FAM120B: variants seen among roughly 807,000 people sequenced by gnomAD.
The protein encoded by FAM120B is family with sequence similarity 120 member B, also known as constitutive coactivator of peroxisome proliferator-activated receptor gamma.
In FAM120B, 83 loss-of-function variants were observed where a neutral mutation model predicts 96.3. The observed-to-expected ratio is 0.86, with a 90% CI of 0.72 to 1.03. The LOEUF (loss-of-function observed/expected upper bound fraction) is 1.03, where lower values mean the gene tolerates loss of function less well. Among genes scored for constraint, FAM120B ranks in the 50% least tolerant of loss-of-function variants. The pLI is 0.00. For synonymous variants in FAM120B, 407 were observed against 402.7 expected (o/e 1.01, Z -0.13); for missense variants, 1,027 against 1,121.2 (o/e 0.92, Z 1.20).
At chr6:170,384,768 G>C (rs1790099989) in intron 6 of FAM120B, among the ~76,000 whole-genome samples, 1 of 152,222 alleles carries the variant, frequency 6.6e-6, no homozygotes. Flanking sequence ...GTGTGGGTCT[G>C]TGAGCTAAGA....
At chr6:170,292,134 G>T (rs1180230609), upstream of FAM120B, among the ~76,000 whole-genome samples, 1 of 152,160 alleles carries the variant, frequency 6.6e-6, no homozygotes, top group Non-Finnish European at 1.5e-5. This position sits in a 1 kb window ranked among gnomAD's most constrained non-coding sequence, Gnocchi z 6.6. Flanking sequence ...AATGTCCGGC[G>T]CATGTTCTAA....
Position 170,404,777 on chromosome 6 carries a change from GA to G in FAM120B, c.*31del. On this transcript the variant is annotated 3_prime_UTR_variant, in exon 11 of 11. Coordinates refer to ENST00000476287, the MANE Select transcript of FAM120B (RefSeq NM_032448.3). ...GCTTCCTCCAGAAAGAGTATGGAGA[GA>G]AAAAGAGGCACACCTGGACGCAGAG... 1 of 605,130 alleles carries G rather than the reference GA, an allele frequency of 1.7e-6. No individual in the cohort carries two copies. Among genetic ancestry groups the G allele is most frequent in the Non-Finnish European group, 2.9e-6 (1 of 342,950 alleles). The allele number at this position is 605,130 out of a possible 1,614,324, so 37.5% of individuals were successfully genotyped here.
intron 6 of FAM120B, among the ~76,000 whole-genome samples, chr6:170,365,892 A>G (rs1788759982): frequency 6.6e-6 from 1 of 152,156 alleles, no homozygotes; most frequent in Non-Finnish European, 1.5e-5. Flanking sequence ...TCCGCCTGCC[A>G]TCACCATCGG....
Position 170,393,132 on chromosome 6 carries a change from C to T in FAM120B, c.2599+2011C>T, listed in dbSNP as rs559795435. ...TTTGACACTGGCCTGAGAAACATAG[C>T]GAGACCCTGTCTTTACAAAAAAAAA... is the stretch of plus-strand genomic sequence containing the variant. On this transcript the variant is annotated intron_variant, in intron 8 of 10. Transcript: ENST00000476287. 1.1e-4 allele frequency among the ~76,000 whole-genome samples: 14 copies of T among 122,452 alleles called. No individual in the cohort carries two copies. In the South Asian group the frequency reaches 2.3e-3, roughly 20 times the overall value. 80.3% of individuals were successfully genotyped at this position (122,452 alleles called of 152,430 possible). A position where few individuals can be genotyped will look rare whatever the true frequency, so the allele number is the denominator to read the frequency against.
intron 6 of FAM120B, among the ~76,000 whole-genome samples, chr6:170,376,501 C>T (rs1233279033): frequency 1.4e-5 from 2 of 140,678 alleles, no homozygotes; most frequent in Admixed American, 7.2e-5. Context: ...AGGCGGGCAG[C>T]GGGGCGTTAG....
intron 1 of FAM120B, among the ~76,000 whole-genome samples, chr6:170,315,924 TG>T (rs761413592): frequency 1.2e-4 from 18 of 144,452 alleles, no homozygotes; most frequent in East Asian, 2.0e-4. Context: ...TTGTCTCCAC[TG>T]GAAAAAAAAA....
At chr6:170,327,137 C>T (rs1217228927) in intron 3 of FAM120B, among the ~76,000 whole-genome samples, 1 of 152,062 alleles carries the variant, frequency 6.6e-6, no homozygotes, top group African/African-American at 2.4e-5. Context: ...AGCTCCGCCT[C>T]CCGGGTTCAC....
chr6:170,394,314 G>T (rs1004752810), intron 8 of FAM120B, among the ~76,000 whole-genome samples: 1 of 152,224 alleles, frequency 6.6e-6, no homozygotes, highest in Non-Finnish European at 1.5e-5. Flanking sequence ...TACTGGGGAG[G>T]TTTTGAAGTT....
chr6:170,332,407 G>C (rs900052277), intron 4 of FAM120B, among the ~76,000 whole-genome samples: 18 of 152,148 alleles, frequency 1.2e-4, no homozygotes, highest in African/African-American at 4.3e-4. Context: ...ATTAAAAACA[G>C]ATCAGCTGGG....
chr6:170,328,888 G>A (rs1048903944), intron 3 of FAM120B, among the ~76,000 whole-genome samples: 9 of 152,150 alleles, frequency 5.9e-5, no homozygotes, highest in African/African-American at 2.2e-4. Flanking sequence ...TGCTCCTTCC[G>A]AGACTTGCCT....
chr6:170,400,459 G>T (rs1036935527), intron 9 of FAM120B, among the ~76,000 whole-genome samples: 8 of 152,132 alleles, frequency 5.3e-5, no homozygotes, highest in Non-Finnish European at 1.2e-4. Context: ...TCTTCCAGAG[G>T]CGGCCTGCTG....
intron 5 of FAM120B, among the ~76,000 whole-genome samples, chr6:170,349,339 T>C (rs528230656): frequency 6.6e-6 from 1 of 152,350 alleles, no homozygotes; most frequent in East Asian, 1.9e-4. Context: ...TTACCTGGAA[T>C]AGACAATTAT....
At chr6:170,301,739 T>C (rs1784146232) in intron 1 of FAM120B, among the ~76,000 whole-genome samples, 2 of 152,224 alleles carry the variant, frequency 1.3e-5, no homozygotes, top group Admixed American at 6.5e-5. Context: ...TGCTAAAGCA[T>C]AGCAAGAGTG....
intron 7 of FAM120B, among the ~76,000 whole-genome samples, chr6:170,390,261 A>G (rs1790412330): frequency 6.6e-6 from 1 of 152,238 alleles, no homozygotes. Flanking sequence ...GACTGCAAGT[A>G]TTTAGAACTT....
At chr6:170,348,065 T>C (rs1787312993) in intron 4 of FAM120B, 86 bp from the exon 5 acceptor site, 1 of 1,081,104 alleles carries the variant, frequency 9.2e-7, no homozygotes, top group East Asian at 2.5e-5. Context: ...AAGAGATTTG[T>C]TTCCTTTTAC....
At chr6:170,357,137 G>A (rs1788003967) in intron 5 of FAM120B, among the ~76,000 whole-genome samples, 1 of 152,174 alleles carries the variant, frequency 6.6e-6, no homozygotes, top group African/African-American at 2.4e-5. Context: ...TGGGTCTGCT[G>A]TTGGCTTTCT....
chr6:170,387,693 G>GA (rs1790264771), intron 6 of FAM120B, among the ~76,000 whole-genome samples: 1 of 152,200 alleles, frequency 6.6e-6, no homozygotes, highest in South Asian at 2.1e-4. Context: ...TCAACCTAGT[G>GA]AGATACATAA....
chr6:170,297,228 C>G (rs899359445), intron 1 of FAM120B, among the ~76,000 whole-genome samples: 1 of 152,212 alleles, frequency 6.6e-6, no homozygotes, highest in African/African-American at 2.4e-5. Flanking sequence ...ACGAATGTCC[C>G]CACGGGACCC....
At chr6:170,365,298 T>C (rs545505901) in intron 6 of FAM120B, among the ~76,000 whole-genome samples, 5 of 152,360 alleles carry the variant, frequency 3.3e-5, no homozygotes, top group East Asian at 3.9e-4. Context: ...GGATTCATGC[T>C]GGCTGTGGGG....
Sources: allele counts gnomAD v4.1 joint callset (sites outside exome capture counted in the v4.1 genomes callset), GRCh38; gene constraint gnomAD v4.1.1; non-coding constraint Gnocchi (gnomAD v3.1); transcripts MANE v1.5; gene names NCBI Gene and HGNC (gene_info 2026-07-23, HGNC 2026-07-21).